The following ATP10B variants were observed in gnomAD, a reference collection of about 807,000 sequenced individuals.
ATP10B encodes the protein ATPase phospholipid transporting 10B (putative), also known as phospholipid-transporting ATPase VB.
In ATP10B, 122 loss-of-function variants were observed where a neutral mutation model predicts 141.2. That is an observed-to-expected ratio of 0.86 (90% CI 0.75 to 1.00). The LOEUF is 1.00. Ranked by LOEUF, ATP10B falls within the 50% of genes least tolerant of loss-of-function variation. The pLI is 0.00. For synonymous variants in ATP10B, 685 were observed against 692.0 expected (o/e 0.99, Z 0.16); for missense variants, 1,876 against 1,825.3 (o/e 1.03, Z -0.51).
chr5:160,723,104 AATGGACAAGT>A (rs1423450863), intron 2 of ATP10B, among the ~76,000 whole-genome samples: 1 of 152,244 alleles, frequency 6.6e-6, no homozygotes, highest in Non-Finnish European at 1.5e-5. Context: ...CTAAGTCACA[AATGGACAAGT>A]ATGTGTGTGT....
At chr5:160,810,546 G>A (rs1401268563) in intron 1 of ATP10B, among the ~76,000 whole-genome samples, 1 of 152,020 alleles carries the variant, frequency 6.6e-6, no homozygotes, top group Non-Finnish European at 1.5e-5. Flanking sequence ...TCTCTAATTT[G>A]GGTGGTGGGT....
the ATP10B span, among the ~76,000 whole-genome samples, chr5:160,876,352 A>C: frequency 6.7e-3 from 1,000 of 148,228 alleles, 12 homozygotes; most frequent in African/African-American, 0.023. Context: ...ACAAAGACAC[A>C]ACATACCAGG....
chr5:160,670,544 C>T lies in ATP10B; in HGVS notation c.594G>A (p.Gly198=). 1 of 1,613,980 alleles carries T rather than the reference C, an allele frequency of 6.2e-7. No individual in the cohort carries two copies. The highest frequency in any genetic ancestry group is 1.1e-5 in the South Asian group (1 of 91,076). Reference sequence around the variant, plus strand: ...AGCTGGCAGTTTCCAGATGGCATATCCCATTGGGGTCAGAGGAAAAAAGGA... The same window carrying T: ...AGCTGGCAGTTTCCAGATGGCATATTCCATTGGGGTCAGAGGAAAAAAGGA... ...ILLLFSSDPN[G]ICHLETASLD... is the part of the protein sequence containing the mutation. Residue 198 remains glycine (G), a synonymous_variant, in exon 7 of 26, where the codon GGG becomes GGA. Transcript: ENST00000327245.
At chr5:160,595,427 C>T (rs1581171349) in intron 22 of ATP10B, among the ~76,000 whole-genome samples, 1 of 152,022 alleles carries the variant, frequency 6.6e-6, no homozygotes, top group East Asian at 1.9e-4. Flanking sequence ...TAAATGCCCA[C>T]AAGAGAAAGC....
At chr5:160,876,731 C>G in the ATP10B span, among the ~76,000 whole-genome samples, 1 of 151,578 alleles carries the variant, frequency 6.6e-6, no homozygotes, top group East Asian at 1.9e-4. Flanking sequence ...GAAATACAAA[C>G]TACCATCAGA....
Position 160,818,241 on chromosome 5 carries a change from A to G in ATP10B, c.-575-32438T>C, listed in dbSNP as rs149277394. ...TACAGAATGGGAGAAAATTTTTGCA[A>G]TCTACTCATCTGACAAGGGGCTAAT... On this transcript the variant is annotated intron_variant, in intron 1 of 25. Transcript: ENST00000327245. Among the ~76,000 whole-genome samples, 410 of 152,338 alleles carry G rather than the reference A, an allele frequency of 2.7e-3. 3 individuals carry two copies. Among genetic ancestry groups the G allele is most frequent in the African/African-American group, 9.4e-3 (392 of 41,580 alleles).
chr5:160,602,672 G>A lies in ATP10B; in HGVS notation c.3268C>T (p.Arg1090Cys), dbSNP rs774285655. ...AVMSSDFAIT[R>C]FKHLKKLLLV... ...AGCAACTTCTTGAGATGCTTAAAGCGGGTGATGGCAAAGTCGCTGGACATG... is the reference window on the plus strand; with the variant it reads ...AGCAACTTCTTGAGATGCTTAAAGCAGGTGATGGCAAAGTCGCTGGACATG... Residue 1090 changes from arginine to cysteine, a missense_variant, in exon 21 of 26, where the codon CGC becomes TGC. Coordinates refer to ENST00000327245, the MANE Select transcript of ATP10B (RefSeq NM_025153.3). The A allele has an allele frequency of 8.1e-6, 13 of 1,614,022 alleles. No individual in the cohort carries two copies. Among genetic ancestry groups the A allele is most frequent in the African/African-American group, 2.7e-5 (2 of 75,058 alleles).
chr5:160,799,157 C>T (rs1772175118), intron 1 of ATP10B, among the ~76,000 whole-genome samples: 1 of 151,966 alleles, frequency 6.6e-6, no homozygotes, highest in Admixed American at 6.6e-5. Flanking sequence ...AAATGTGTCT[C>T]AAATGAGTAA....
At chr5:160,913,556 T>C in the ATP10B span, among the ~76,000 whole-genome samples, 1 of 152,156 alleles carries the variant, frequency 6.6e-6, no homozygotes, top group Non-Finnish European at 1.5e-5. Context: ...TCTTCACCTC[T>C]ATCTACTTGG....
At chr5:160,650,170 A>G (rs1760621964) in intron 7 of ATP10B, among the ~76,000 whole-genome samples, 1 of 151,138 alleles carries the variant, frequency 6.6e-6, no homozygotes, top group South Asian at 2.1e-4. Flanking sequence ...ACATATATAT[A>G]CATACATATA....
At chr5:160,787,122 A>ACACAC (rs1554116285) in intron 1 of ATP10B, among the ~76,000 whole-genome samples, 13 of 124,926 alleles carry the variant, frequency 1.0e-4, no homozygotes, top group Admixed American at 3.0e-4. Context: ...ACACACACAC[A>ACACAC]CACACACACA....
In ATP10B at chr5:160,695,641, A is replaced by G. The variant is rs115154867; in HGVS notation, c.-204-6698T>C. Among the ~76,000 whole-genome samples, 1,042 of 152,328 alleles carry G rather than the reference A, an allele frequency of 6.8e-3. 13 individuals are homozygous for G. The highest frequency in any genetic ancestry group is 0.012 in the Non-Finnish European group (787 of 68,012). On this transcript the variant is annotated intron_variant, in intron 3 of 25. Transcript: ENST00000327245. ...GATAGAAGACCCAAGTAGGCTAAAAAGCAGAAATAAGTCTTTACTAGAGAA... is the reference window on the plus strand; with the variant it reads ...GATAGAAGACCCAAGTAGGCTAAAAGGCAGAAATAAGTCTTTACTAGAGAA...
chr5:160,619,524 T>C (rs1758202764), intron 15 of ATP10B, among the ~76,000 whole-genome samples: 1 of 152,190 alleles, frequency 6.6e-6, no homozygotes, highest in Admixed American at 6.5e-5. Flanking sequence ...CTTCCCATTC[T>C]ACACACTAAT....
At chr5:160,566,823 G>A (rs1249855847) in intron 25 of ATP10B, among the ~76,000 whole-genome samples, 4 of 152,276 alleles carry the variant, frequency 2.6e-5, no homozygotes, top group African/African-American at 9.6e-5. Context: ...CTGACCTGGA[G>A]GACATCTAAG....
At chr5:160,637,188 C>G (rs1759470297) in intron 10 of ATP10B, among the ~76,000 whole-genome samples, 1 of 151,206 alleles carries the variant, frequency 6.6e-6, no homozygotes, top group Non-Finnish European at 1.5e-5. Context: ...ATCAGTTTTT[C>G]TATCCATTCA....
intron 6 of ATP10B, 63 bp downstream of exon 6, chr5:160,686,016 G>C (rs1303138433): frequency 1.1e-5 from 13 of 1,228,022 alleles, no homozygotes; most frequent in Non-Finnish European, 1.3e-5. Flanking sequence ...CTCATCCTGA[G>C]GCTATGCTGA....
At chr5:160,840,957 A>T (rs1775777383) in intron 1 of ATP10B, among the ~76,000 whole-genome samples, 1 of 152,212 alleles carries the variant, frequency 6.6e-6, no homozygotes, top group African/African-American at 2.4e-5. Flanking sequence ...TTTCGTTCAT[A>T]GGGCTGTGGA....
intron 3 of ATP10B, among the ~76,000 whole-genome samples, chr5:160,703,796 G>C (rs968117554): frequency 2.6e-5 from 4 of 152,136 alleles, no homozygotes; most frequent in Admixed American, 2.6e-4. Flanking sequence ...AACTGATAAG[G>C]GGGGTGGTGA....
At chr5:160,714,866 A>T (rs10113941) in intron 3 of ATP10B, among the ~76,000 whole-genome samples, 2 of 146,822 alleles carry the variant, frequency 1.4e-5, no homozygotes, top group African/African-American at 2.6e-5. Context: ...CTGTTGGAAT[A>T]CCCTGCCGTG....
Sources: allele counts gnomAD v4.1 joint callset (sites outside exome capture counted in the v4.1 genomes callset), GRCh38; gene constraint gnomAD v4.1.1; transcripts MANE v1.5; gene names NCBI Gene and HGNC (gene_info 2026-07-23, HGNC 2026-07-21).